Variants in UBAC2 observed in about 807,000 individuals in gnomAD.
UBAC2 encodes UBA domain containing 2.
UBAC2 carries 26 observed loss-of-function variants against 44.0 expected under a neutral mutation model. The ratio of observed to expected loss-of-function variants is 0.59; its 90% CI spans 0.43 to 0.82. The LOEUF is 0.82. UBAC2 is among the 40% of genes least tolerant of loss of function. The pLI is 0.00. For synonymous variants in UBAC2, 155 were observed against 154.3 expected (o/e 1.00, Z -0.04); for missense variants, 329 against 419.4 (o/e 0.78, Z 1.88).
chr13:99,345,746 T>TTC, intron 7 of UBAC2, among the ~76,000 whole-genome samples: 1 of 148,336 alleles, frequency 6.7e-6, no homozygotes, highest in Non-Finnish European at 1.5e-5. Flanking sequence ...TCTTTCTTTT[T>TTC]TTTTTTTTTT....
intron 4 of UBAC2, among the ~76,000 whole-genome samples, chr13:99,299,457 C>A (rs780677920): frequency 1.0e-4 from 15 of 149,912 alleles, no homozygotes; most frequent in Non-Finnish European, 1.6e-4. Flanking sequence ...AATACACACA[C>A]ACACGCACAC....
Position 99,367,834 on chromosome 13 carries a change from A to G in UBAC2, c.855A>G (p.Arg285=), listed in dbSNP as rs2045351172. The G allele has an allele frequency of 6.2e-7, 1 of 1,613,982 alleles. No homozygotes were observed. Among genetic ancestry groups the G allele is most frequent in the South Asian group, 1.1e-5 (1 of 91,072 alleles). Residue 285 remains arginine (R), a synonymous_variant, in exon 8 of 9, where the codon CGA becomes CGG. Transcript: ENST00000403766. ...GTCTTTTTCCTCCTTTACGTCAGCGACAAAACGTAAACTATCAGGGCGGTC... is the reference window on the plus strand; with the variant it reads ...GTCTTTTTCCTCCTTTACGTCAGCGGCAAAACGTAAACTATCAGGGCGGTC... ...WNRLFPPLRQ[R]QNVNYQGGRQ...
rs73570170 is a variant in UBAC2 at position 99,379,240 on chromosome 13, G to A, written c.928-5988G>A. On this transcript the variant is annotated intron_variant, in intron 8 of 8. Transcript: ENST00000403766. ...TAGCACATCCCAGCAAAGTTGTTCT[G>A]CCCTTGATGTCCTCAGTTCCTGGAG... 3.2e-3 allele frequency among the ~76,000 whole-genome samples: 492 copies of A among 152,320 alleles called. 5 individuals carry two copies. Among genetic ancestry groups the A allele is most frequent in the African/African-American group, 0.011 (476 of 41,556 alleles).
intron 4 of UBAC2, among the ~76,000 whole-genome samples, chr13:99,305,349 A>G (rs1053220862): frequency 6.6e-6 from 1 of 151,618 alleles, no homozygotes; most frequent in African/African-American, 2.4e-5. Context: ...TAAACCCCCC[A>G]GACTGGAGAA....
At chr13:99,201,427 A>C (rs779848379) in intron 1 of UBAC2, 3 of 1,613,222 alleles carry the variant, frequency 1.9e-6, no homozygotes, top group African/African-American at 1.3e-5. Context: ...TTTCTTCTTC[A>C]GTCTCCAAGA....
chr13:99,305,109 A>G (rs1336704361), intron 4 of UBAC2, among the ~76,000 whole-genome samples: 2 of 152,244 alleles, frequency 1.3e-5, no homozygotes, highest in Admixed American at 1.3e-4. Flanking sequence ...AACAATTTAG[A>G]CTGAAATTTC....
Position 99,238,546 on chromosome 13 carries a change from G to T in UBAC2, c.151G>T (p.Asp51Tyr). 6.2e-7 allele frequency: 1 copy of T among 1,606,470 alleles called. No homozygotes were observed. The highest frequency in any genetic ancestry group is 1.1e-5 in the South Asian group (1 of 90,138). Residue 51 changes from aspartate to tyrosine, a missense_variant, in exon 2 of 9, where the codon GAC (aspartate) becomes TAC (tyrosine). Transcript: ENST00000403766. The stretch of plus-strand genomic sequence containing the variant: ...GTATGACCTTCACGCAGTCAAGAAC[G>T]ACTTCCAGGTAAGCTCTGCCTCATT... ...FVYDLHAVKNDFQIWRLICGR... is the reference protein window; with the variant it reads ...FVYDLHAVKNYFQIWRLICGR...
chr13:99,276,623 G>T (rs755265219), intron 4 of UBAC2, among the ~76,000 whole-genome samples: 2 of 152,054 alleles, frequency 1.3e-5, no homozygotes, highest in Non-Finnish European at 2.9e-5. Context: ...GTTTTTATAG[G>T]GCTCCATCTC....
intron 6 of UBAC2, among the ~76,000 whole-genome samples, chr13:99,336,840 A>C (rs908662506): frequency 5.9e-5 from 9 of 152,184 alleles, no homozygotes; most frequent in Admixed American, 5.9e-4. Flanking sequence ...ACTATAAAGC[A>C]AATATACCCA....
rs575899686 is a variant in UBAC2, at chr13:99,382,257, G to A, written c.928-2971G>A. Among the ~76,000 whole-genome samples the A allele has an allele frequency of 1.2e-4, 18 of 152,330 alleles. No individual in the cohort carries two copies. The South Asian group carries it at 3.7e-3, about 32-fold the overall frequency. On this transcript the variant is annotated intron_variant, in intron 8 of 8. Coordinates refer to ENST00000403766, the MANE Select transcript of UBAC2 (RefSeq NM_001144072.2). ...GAAAATAATTCATTTTGGTTGACTG[G>A]AAAATGATCAGATGGAATTTAACAG...
chr13:99,215,343 C>T, intron 1 of UBAC2: 1 of 858,376 alleles, frequency 1.2e-6, no homozygotes, highest in South Asian at 1.3e-5. Flanking sequence ...TATTTAGAGT[C>T]CTGAGATAAC....
chr13:99,292,073 C>T (rs2044095478), intron 4 of UBAC2, among the ~76,000 whole-genome samples: 1 of 151,984 alleles, frequency 6.6e-6, no homozygotes, highest in Non-Finnish European at 1.5e-5. Flanking sequence ...TTTCAGGGGC[C>T]ACATGATTGA....
intron 8 of UBAC2, among the ~76,000 whole-genome samples, chr13:99,371,656 T>C (rs2045408471): frequency 6.6e-6 from 1 of 152,254 alleles, no homozygotes; most frequent in Admixed American, 6.5e-5. Context: ...ATTAAATGTT[T>C]GTATTTTCTT....
At chr13:99,298,289 T>C (rs1299505821) in intron 4 of UBAC2, among the ~76,000 whole-genome samples, 1 of 152,070 alleles carries the variant, frequency 6.6e-6, no homozygotes, top group Admixed American at 6.5e-5. Context: ...TTTCAGAAAA[T>C]AGTTATTTTC....
chr13:99,276,809 G>A (rs1431137178), intron 4 of UBAC2, among the ~76,000 whole-genome samples: 1 of 152,198 alleles, frequency 6.6e-6, no homozygotes, highest in Non-Finnish European at 1.5e-5. Context: ...AAGAAGAAAA[G>A]GCACTTCTGT....
At chr13:99,363,126 A>G (rs901182351) in intron 7 of UBAC2, among the ~76,000 whole-genome samples, 6 of 152,190 alleles carry the variant, frequency 3.9e-5, no homozygotes, top group Admixed American at 1.3e-4. Context: ...CCAGGACTGT[A>G]TTCAGTACGG....
chr13:99,354,826 G>T (rs1181907915), intron 7 of UBAC2, among the ~76,000 whole-genome samples: 1 of 152,066 alleles, frequency 6.6e-6, no homozygotes, highest in African/African-American at 2.4e-5. Flanking sequence ...AATCTTACTG[G>T]CAGTCATGTC....
intron 8 of UBAC2, among the ~76,000 whole-genome samples, chr13:99,383,769 G>A (rs2045582092): frequency 6.6e-6 from 1 of 152,350 alleles, no homozygotes; most frequent in East Asian, 1.9e-4. Flanking sequence ...AGCCCTGGCT[G>A]GACTCCAGCT....
intron 6 of UBAC2, 129 bp from the exon 7 acceptor site, chr13:99,340,191 A>G (rs1340909808): frequency 2.0e-6 from 2 of 977,548 alleles, no homozygotes; most frequent in African/African-American, 1.6e-5. Context: ...GATTTTGCTT[A>G]TTGCCTAACA....
Sources: gnomAD v4.1 joint callset for allele counts (sites outside exome capture counted in the v4.1 genomes callset) on GRCh38, gnomAD v4.1.1 for gene constraint, MANE v1.5 for transcripts, NCBI Gene and HGNC (gene_info 2026-07-23, HGNC 2026-07-21) for gene names.